Variants in MUC5AC observed in about 807,000 individuals in gnomAD.
MUC5AC encodes mucin-5AC.
MUC5AC carries 158 observed loss-of-function variants against 169.7 expected under a neutral mutation model. That is an observed-to-expected ratio of 0.93 (90% CI 0.82 to 1.06). The LOEUF is 1.06. Among genes scored for constraint, MUC5AC ranks in the 50% least tolerant of loss-of-function variants. The pLI, the probability that MUC5AC is intolerant of heterozygous loss-of-function variation, is 0.00. For missense variants in MUC5AC, 4,359 were observed against 3,089.9 expected (o/e 1.41, Z -9.74); for synonymous variants, 1,975 against 1,237.0 (o/e 1.60, Z -12.52).
rs1300513839 is a variant in MUC5AC, at chr11:1,168,110, A to G, written c.1497+123A>G. 4 of 822,074 alleles carry G rather than the reference A, an allele frequency of 4.9e-6. No individual in the cohort carries two copies. In the East Asian group the frequency reaches 8.0e-5, roughly 16 times the overall value. The allele number at this position is 822,074 out of a possible 1,614,324, so 50.9% of individuals were successfully genotyped here. ...AGCGAGAGGCGGGGACCCTCTGGCA[A>G]CACTGGCTGTGTCCATTACTTATGG... On this transcript the variant is annotated intron_variant, in intron 12 of 48. Coordinates refer to ENST00000621226, the MANE Select transcript of MUC5AC (RefSeq NM_001304359.2).
chr11:1,193,847 G>A lies in MUC5AC; in HGVS notation c.14755+188G>A, dbSNP rs559778540. Among the ~76,000 whole-genome samples the A allele has an allele frequency of 3.3e-5, 5 of 152,360 alleles. No homozygotes were observed. In the South Asian group the frequency reaches 1.0e-3, roughly 32 times the overall value. On this transcript the variant is annotated intron_variant, in intron 33 of 48. Coordinates refer to ENST00000621226, the MANE Select transcript of MUC5AC (RefSeq NM_001304359.2). ...GCCTCCCCGCTTAGGGGTGCTGAGT[G>A]AATCCCTGTGAGCCTCGGAGCAGCC...
chr11:1,199,041 G>C, intron 44 of MUC5AC, 45 bp downstream of exon 44: 1 of 762,990 alleles, frequency 1.3e-6, no homozygotes, highest in South Asian at 1.3e-5. Flanking sequence ...GCTCTTGGGG[G>C]GCAGCGGTCG....
intron 1 of MUC5AC, among the ~76,000 whole-genome samples, chr11:1,159,260 G>T (rs928136142): frequency 6.6e-6 from 1 of 152,228 alleles, no homozygotes; most frequent in African/African-American, 2.4e-5. Flanking sequence ...GAACTGGAAA[G>T]CTGGGGCTGG....
In MUC5AC at chr11:1,190,420, T is replaced by C. The variant is rs1306751406; in HGVS notation, c.12275T>C (p.Leu4092Ser). ...TGGCAGAAATCCAGGACAACCACTT[T>C]GGTGACAACCAGCACAACCTCCACT... is the stretch of plus-strand genomic sequence containing the variant. Reference protein sequence around the residue: ...SSWQKSRTTTLVTTSTTSTPQ... With the variant: ...SSWQKSRTTTSVTTSTTSTPQ... The change falls in exon 31 of 49, where the codon TTG becomes TCG. Residue 4092 changes from leucine (L) to serine (S), a missense_variant. Physicochemically the swap from Leu to Ser is moderately radical, Grantham distance 145 (BLOSUM62 -2). Coordinates refer to ENST00000621226, the MANE Select transcript of MUC5AC (RefSeq NM_001304359.2). The C allele has an allele frequency of 1.2e-5, 8 of 665,878 alleles. No individual in the cohort carries two copies. Among genetic ancestry groups the C allele is most frequent in the African/African-American group, 3.6e-5 (2 of 56,186 alleles). The allele number at this position is 665,878 out of a possible 1,614,324, so 41.2% of individuals were successfully genotyped here.
At chr11:1,170,582 T>TACTC (rs1461134096) in intron 15 of MUC5AC, among the ~76,000 whole-genome samples, 1 of 22,490 alleles carries the variant, frequency 4.4e-5, no homozygotes, top group East Asian at 1.4e-3. Flanking sequence ...CCCACTCACC[T>TACTC]ACTCACTCAC....
At position 1,188,298 on chromosome 11, in the gene MUC5AC, G is replaced by A; in HGVS notation, c.10153G>A (p.Ala3385Thr). 1 of 697,758 alleles carries A rather than the reference G, an allele frequency of 1.4e-6. No homozygotes were observed. Among genetic ancestry groups the A allele is most frequent in the Non-Finnish European group, 2.6e-6 (1 of 382,628 alleles). The allele number at this position is 697,758 out of a possible 1,614,324, so 43.2% of individuals were successfully genotyped here. A position where few individuals can be genotyped will look rare whatever the true frequency, so the allele number is the denominator to read the frequency against. The change falls in exon 31 of 49, where the codon GCT (alanine) becomes ACT (threonine). Residue 3385 changes from alanine (A) to threonine (T), a missense_variant. Coordinates refer to ENST00000621226, the MANE Select transcript of MUC5AC (RefSeq NM_001304359.2). ...TGCTCCTACAACCAGCACAACCTCT[G>A]CTCCCACAACCAGCACAACTTCTGC... The part of the protein sequence containing the change: ...TSAPTTSTTS[A>T]PTTSTTSAPT...
At chr11:1,200,099 G>T in intron 48 of MUC5AC, 130 bp downstream of exon 48, 1 of 611,680 alleles carries the variant, frequency 1.6e-6, no homozygotes, top group Non-Finnish European at 2.9e-6. Context: ...CTGAGGGTGA[G>T]GCGGGAAAGG....
At position 1,199,156 on chromosome 11, in the gene MUC5AC, A is replaced by G. The variant is rs780129363; in HGVS notation, c.16366A>G (p.Thr5456Ala). 9.2e-6 allele frequency: 7 copies of G among 764,238 alleles called. No homozygotes were observed. Among genetic ancestry groups the G allele is most frequent in the East Asian group, 2.4e-5 (1 of 41,208 alleles). The allele number at this position is 764,238 out of a possible 1,614,324, so 47.3% of individuals were successfully genotyped here. ...TCVQVACVTN[T>A]SKSPAHLFYP... ...TGTGCAGGTCGCCTGTGTCACCAAC[A>G]CCAGCAAGAGCCCCGCCCACCTCTT... The change falls in exon 45 of 49, where the codon ACC becomes GCC. Residue 5456 changes from threonine (T) to alanine (A), a missense_variant. Transcript: ENST00000621226.
chr11:1,171,990 T>C (rs981696654), intron 15 of MUC5AC, among the ~76,000 whole-genome samples: 1 of 151,652 alleles, frequency 6.6e-6, no homozygotes, highest in African/African-American at 2.4e-5. Flanking sequence ...CACTCAGTCA[T>C]TCACTTCGCC....
At position 1,188,222 on chromosome 11, in the gene MUC5AC, C is replaced by A. The variant is rs1861000078; in HGVS notation, c.10077C>A (p.Thr3359=). Residue 3359 remains threonine, a synonymous_variant, in exon 31 of 49, where the codon ACC becomes ACA. Coordinates refer to ENST00000621226, the MANE Select transcript of MUC5AC (RefSeq NM_001304359.2). ...CCTCTTGGCAGAAATCCAGGACAAC[C>A]ACTTTGGTGACAACCAGCACAACCT... ...STSSWQKSRT[T]TLVTTSTTST... 1.0e-5 allele frequency: 7 copies of A among 688,056 alleles called. No homozygotes were observed. Among genetic ancestry groups the A allele is most frequent in the African/African-American group, 7.1e-5 (4 of 56,702 alleles). 42.6% of individuals were successfully genotyped at this position (688,056 alleles called of 1,614,324 possible).
intron 19 of MUC5AC, among the ~76,000 whole-genome samples, 160 bp downstream of exon 19, chr11:1,175,430 AG>A (rs1860645529): frequency 1.9e-5 from 1 of 52,840 alleles, no homozygotes; most frequent in Admixed American, 2.3e-4. Flanking sequence ...CTAGGCAGCA[AG>A]GGGGAAGAAG....
intron 30 of MUC5AC, 58 bp from the exon 31 acceptor site, chr11:1,182,097 G>GT (rs1860827654): frequency 5.0e-4 from 122 of 246,342 alleles, no homozygotes; most frequent in African/African-American, 3.5e-3. Context: ...GCAGGGAGGG[G>GT]CGGGCGGCCC....
rs780022988 is a variant in MUC5AC at position 1,193,670 on chromosome 11, C to A, written c.14755+11C>A. On this transcript the variant is annotated intron_variant, in intron 33 of 48. Transcript: ENST00000621226. Reference sequence around the variant, plus strand: ...ACTACCAGTGCCAGTGTGAGTGGAGCGCCGAGCGGGACCCAGGGCAGCCGG... The same window carrying A: ...ACTACCAGTGCCAGTGTGAGTGGAGAGCCGAGCGGGACCCAGGGCAGCCGG... 2 of 763,686 alleles carry A rather than the reference C, an allele frequency of 2.6e-6. No individual in the cohort carries two copies. The highest frequency in any genetic ancestry group is 2.4e-6 in the Non-Finnish European group (1 of 416,994). 47.3% of individuals were successfully genotyped at this position (763,686 alleles called of 1,614,324 possible). A position where few individuals can be genotyped will look rare whatever the true frequency, so the allele number is the denominator to read the frequency against.
Position 1,196,597 on chromosome 11 carries a change from C to T in MUC5AC, c.15726-20C>T, listed in dbSNP as rs762047425. 5.3e-6 allele frequency: 4 copies of T among 761,044 alleles called. No individual in the cohort carries two copies. The highest frequency in any genetic ancestry group is 3.4e-5 in the Admixed American group (2 of 58,282). The allele number at this position is 761,044 out of a possible 1,614,324, so 47.1% of individuals were successfully genotyped here. On this transcript the variant is annotated intron_variant, in intron 38 of 48. Coordinates refer to ENST00000621226, the MANE Select transcript of MUC5AC (RefSeq NM_001304359.2). Reference sequence around the variant, plus strand: ...CACCGGAGGGAAAAAGGAGACCCACCAACCCTATGCTCTCTACAGGGCTCT... The same window carrying T: ...CACCGGAGGGAAAAAGGAGACCCACTAACCCTATGCTCTCTACAGGGCTCT...
intron 24 of MUC5AC, among the ~76,000 whole-genome samples, chr11:1,177,870 C>T (rs1183287354): frequency 2.6e-5 from 4 of 152,314 alleles, no homozygotes; most frequent in African/African-American, 9.6e-5. Context: ...GATTTGCCCG[C>T]AGCCTGGACA....
In MUC5AC at chr11:1,162,947, C is replaced by G; in HGVS notation, c.589-8C>G. 1 of 1,612,166 alleles carries G rather than the reference C, an allele frequency of 6.2e-7. No individual in the cohort carries two copies. The highest frequency in any genetic ancestry group is 1.1e-5 in the South Asian group (1 of 91,078). On this transcript the variant is annotated splice_polypyrimidine_tract_variant and splice_region_variant and intron_variant, in intron 5 of 48. Transcript: ENST00000621226. ...GGGGATGGGTGTCTGATGTCTCTCCCTTTGCAGCTGGAGCTGGACACCAAA... is the reference window on the plus strand; with the variant it reads ...GGGGATGGGTGTCTGATGTCTCTCCGTTTGCAGCTGGAGCTGGACACCAAA...
In MUC5AC at chr11:1,188,461, C is replaced by T. The variant is rs1861007239; in HGVS notation, c.10316C>T (p.Thr3439Ile). Reference sequence around the variant, plus strand: ...ATCTCTGCCCCTACAACCAGCACAACCTCTTCCCCTACAACCAGCACAACC... The same window carrying T: ...ATCTCTGCCCCTACAACCAGCACAATCTCTTCCCCTACAACCAGCACAACC... Reference protein sequence around the residue: ...SIISAPTTSTTSSPTTSTTSA... With the variant: ...SIISAPTTSTISSPTTSTTSA... Residue 3439 changes from threonine (T) to isoleucine (I), a missense_variant, in exon 31 of 49, where the codon ACC becomes ATC. Thr to Ile is a moderately conservative substitution (Grantham distance 89, BLOSUM62 -1). Transcript: ENST00000621226. The T allele has an allele frequency of 7.7e-6, 5 of 646,892 alleles. No individual in the cohort carries two copies. Among genetic ancestry groups the T allele is most frequent in the South Asian group, 1.6e-5 (1 of 61,492 alleles). 40.1% of individuals were successfully genotyped at this position (646,892 alleles called of 1,614,324 possible). A position where few individuals can be genotyped will look rare whatever the true frequency, so the allele number is the denominator to read the frequency against.
At position 1,162,557 on chromosome 11, in the gene MUC5AC, G is replaced by A. The variant is rs1193793646; in HGVS notation, c.499G>A (p.Gly167Arg). 3.1e-6 allele frequency: 5 copies of A among 1,612,526 alleles called. No individual in the cohort carries two copies. The highest frequency in any genetic ancestry group is 4.2e-6 in the Non-Finnish European group (5 of 1,179,862). ...GGTCCTGCTGCCCTTCAGCCAGTCT[G>A]GGGTCCTCATTCAGCAGAGCAGCAG... ...HPVLLPFSQS[G>R]VLIQQSSSYT... Residue 167 changes from glycine (G) to arginine (R), a missense_variant, in exon 5 of 49, where the codon GGG (glycine) becomes AGG (arginine). Physicochemically the swap from Gly to Arg is moderately radical, Grantham distance 125. Transcript: ENST00000621226.
rs1003164522 is a variant in MUC5AC at position 1,194,996 on chromosome 11, C to T, written c.15191-16C>T. ...CTCTGCTGTCCAGCAGCCTGACCCC[C>T]ACCGCGTCTGCCCAGGCACTTGCAC... On this transcript the variant is annotated splice_polypyrimidine_tract_variant and intron_variant, in intron 35 of 48. Transcript: ENST00000621226. 4.2e-6 allele frequency: 3 copies of T among 715,536 alleles called. No individual in the cohort carries two copies. The African/African-American group carries it at 5.2e-5, about 12-fold the overall frequency. The allele number at this position is 715,536 out of a possible 1,614,324, so 44.3% of individuals were successfully genotyped here. A position where few individuals can be genotyped will look rare whatever the true frequency, so the allele number is the denominator to read the frequency against.
Sources: allele counts gnomAD v4.1 joint callset (sites outside exome capture counted in the v4.1 genomes callset), GRCh38; gene constraint gnomAD v4.1.1; transcripts MANE v1.5; gene names NCBI Gene and HGNC (gene_info 2026-07-23, HGNC 2026-07-21).